Variants in SPRED2 observed in about 807,000 individuals in gnomAD.
SPRED2 encodes sprouty related EVH1 domain containing 2.
A neutral mutation model predicts 43.0 loss-of-function variants in SPRED2; 47 were observed. That is an observed-to-expected ratio of 1.09 (90% CI 0.87 to 1.40). SPRED2 has a LOEUF of 1.40. Ranked by LOEUF, SPRED2 falls within the 40% of genes most tolerant of loss-of-function variation. The probability of loss-of-function intolerance (pLI) is 0.00; values close to 1 mark genes in which losing one functional copy is unlikely to be tolerated. For missense variants in SPRED2, 561 were observed against 586.4 expected, an observed-to-expected ratio of 0.96 and a Z score of 0.45; for synonymous variants, 225 against 225.7, an observed-to-expected ratio of 1.00 and a Z score of 0.03.
intron 2 of SPRED2, among the ~76,000 whole-genome samples, chr2:65,338,885 G>A (rs1674071200): frequency 2.6e-5 from 4 of 151,930 alleles, no homozygotes; most frequent in Middle Eastern, 3.4e-3. Flanking sequence ...TCCCATCTAG[G>A]AAGTGAGGAG....
In SPRED2 at chr2:65,312,521, T is replaced by C; in HGVS notation, c.*980A>G. 25 of 985,460 alleles carry C rather than the reference T, an allele frequency of 2.5e-5. No homozygotes were observed. The highest frequency in any genetic ancestry group is 3.0e-5 in the Non-Finnish European group (25 of 829,920). 61.0% of individuals were successfully genotyped at this position (985,460 alleles called of 1,614,324 possible). A position where few individuals can be genotyped will look rare whatever the true frequency, so the allele number is the denominator to read the frequency against. ...GTGTTTCTCAACTGGAACTTGTTCG[T>C]GGGAACACTGATTTGTGTTTGAGGA... On this transcript the variant is annotated 3_prime_UTR_variant, in exon 6 of 6. Transcript: ENST00000356388.
At chr2:65,419,578 TGTGTGTGTG>T (rs1287116769) in intron 1 of SPRED2, among the ~76,000 whole-genome samples, 52 of 19,390 alleles carry the variant, frequency 2.7e-3, no homozygotes, top group African/African-American at 4.4e-3. Flanking sequence ...GGATTATAGT[TGTGTGTGTG>T]TGTGTGTGTG....
At chr2:65,406,202 A>G (rs1488120263) in intron 1 of SPRED2, among the ~76,000 whole-genome samples, 1 of 152,210 alleles carries the variant, frequency 6.6e-6, no homozygotes, top group Non-Finnish European at 1.5e-5. Context: ...CAGAGCCACA[A>G]AGACCCTGCT....
At chr2:65,316,686 T>C in intron 5 of SPRED2, 48 bp downstream of exon 5, 2 of 1,568,484 alleles carry the variant, frequency 1.3e-6, no homozygotes, top group Admixed American at 1.9e-5. Context: ...CATTCCAGAA[T>C]CAGAGGCACC....
At chr2:65,318,880 T>G (rs1673324334) in intron 4 of SPRED2, among the ~76,000 whole-genome samples, 2 of 152,140 alleles carry the variant, frequency 1.3e-5, no homozygotes, top group African/African-American at 4.8e-5. Flanking sequence ...ACTCCTGGGC[T>G]CAAGTGATCC....
chr2:65,338,939 T>A (rs1211162691), intron 2 of SPRED2, among the ~76,000 whole-genome samples: 12 of 150,262 alleles, frequency 8.0e-5, no homozygotes, highest in African/African-American at 1.7e-4. Flanking sequence ...GGGGAGCGCC[T>A]CTGCCCCGCC....
intron 2 of SPRED2, among the ~76,000 whole-genome samples, chr2:65,342,430 G>T (rs914039782): frequency 1.3e-5 from 2 of 148,318 alleles, no homozygotes; most frequent in African/African-American, 4.9e-5. Context: ...TATATTATAT[G>T]TATGTATATT....
At chr2:65,430,189 C>T (rs1389913348) in intron 1 of SPRED2, among the ~76,000 whole-genome samples, 1 of 152,242 alleles carries the variant, frequency 6.6e-6, no homozygotes, top group African/African-American at 2.4e-5. Flanking sequence ...CATATTCCTT[C>T]TCTGTATTTC....
intron 1 of SPRED2, among the ~76,000 whole-genome samples, chr2:65,359,348 G>C (rs1369348486): frequency 2.6e-5 from 4 of 152,192 alleles, no homozygotes; most frequent in Non-Finnish European, 4.4e-5. Flanking sequence ...AGCTTCCTCA[G>C]TTTTAACACG....
intron 1 of SPRED2, among the ~76,000 whole-genome samples, chr2:65,366,166 T>C (rs566246970): frequency 1.3e-5 from 2 of 152,298 alleles, no homozygotes; most frequent in African/African-American, 2.4e-5. Context: ...AACACAATAG[T>C]AATTGTTAGA....
At chr2:65,422,684 A>G (rs1317787156) in intron 1 of SPRED2, among the ~76,000 whole-genome samples, 1 of 152,214 alleles carries the variant, frequency 6.6e-6, no homozygotes, top group Non-Finnish European at 1.5e-5. Context: ...ATCAACACCT[A>G]TAATCTAGTA....
chr2:65,308,401 T>C, downstream of SPRED2: 4 of 985,324 alleles, frequency 4.1e-6, no homozygotes, highest in Non-Finnish European at 4.8e-6. Flanking sequence ...TGAACATACC[T>C]GGAGGGGTCA....
chr2:65,307,716 G>A (rs933580285), downstream of SPRED2, among the ~76,000 whole-genome samples: 1 of 152,218 alleles, frequency 6.6e-6, no homozygotes, highest in African/African-American at 2.4e-5. Flanking sequence ...ACCAGTGGCT[G>A]CTCCAGCTGA....
At chr2:65,418,685 C>T (rs1676347034) in intron 1 of SPRED2, among the ~76,000 whole-genome samples, 2 of 151,998 alleles carry the variant, frequency 1.3e-5, no homozygotes, top group South Asian at 4.2e-4. Flanking sequence ...TCCCAAGTAG[C>T]TGGGACTACA....
chr2:65,394,754 C>T (rs766164334), intron 1 of SPRED2, among the ~76,000 whole-genome samples: 15 of 152,078 alleles, frequency 9.9e-5, no homozygotes, highest in Non-Finnish European at 1.5e-4. Context: ...CACTGAAGTC[C>T]GCTTCCGATC....
intron 1 of SPRED2, among the ~76,000 whole-genome samples, chr2:65,430,689 C>T (rs957012787): frequency 1.3e-5 from 2 of 152,118 alleles, no homozygotes; most frequent in Non-Finnish European, 2.9e-5. Flanking sequence ...GCGGGGCCTC[C>T]CTCCAGGGCG....
intron 1 of SPRED2, among the ~76,000 whole-genome samples, chr2:65,349,852 G>A (rs949316434): frequency 6.6e-5 from 10 of 152,218 alleles, no homozygotes; most frequent in Non-Finnish European, 1.3e-4. Flanking sequence ...TCTCTGTGAT[G>A]GGATTGGGGG....
downstream of SPRED2, chr2:65,308,648 G>C (rs1672989914): frequency 1.2e-6 from 1 of 808,512 alleles, no homozygotes; most frequent in African/African-American, 1.9e-5. Context: ...TGTAACTAAA[G>C]CATATCATTT....
chr2:65,383,404 GAGC>G (rs999276092), intron 1 of SPRED2, among the ~76,000 whole-genome samples: 9 of 152,216 alleles, frequency 5.9e-5, no homozygotes, highest in African/African-American at 2.2e-4. Context: ...CTCTTCAAAG[GAGC>G]AGAATTTCTT....
Sources: allele counts gnomAD v4.1 joint callset (sites outside exome capture counted in the v4.1 genomes callset), GRCh38; gene constraint gnomAD v4.1.1; transcripts MANE v1.5; gene names NCBI Gene and HGNC (gene_info 2026-07-23, HGNC 2026-07-21).